Variants in PRKN observed in about 807,000 individuals in gnomAD.
PRKN encodes parkin RBR E3 ubiquitin protein ligase.
A neutral mutation model predicts 59.5 loss-of-function variants in PRKN; 56 were observed. The observed-to-expected ratio is 0.94, with a 90% CI of 0.76 to 1.18. The LOEUF (loss-of-function observed/expected upper bound fraction) is 1.18. Among genes scored for constraint, PRKN ranks in the 50% most tolerant of loss-of-function variants. The pLI, the probability that PRKN is intolerant of heterozygous loss-of-function variation, is 0.00. For missense variants in PRKN, 657 were observed against 596.4 expected (o/e 1.10, Z -1.06); for synonymous variants, 250 against 222.1 (o/e 1.13, Z -1.12).
At chr6:162,331,374 A>G (rs887415164) in intron 2 of PRKN, among the ~76,000 whole-genome samples, 1 of 152,184 alleles carries the variant, frequency 6.6e-6, no homozygotes, top group African/African-American at 2.4e-5. Flanking sequence ...CAGGTCTCAG[A>G]AAAGTACACA....
chr6:162,573,737 G>A (rs2155509), intron 1 of PRKN, among the ~76,000 whole-genome samples: 80,450 of 151,650 alleles, frequency 0.53, 21,591 homozygotes, highest in East Asian at 0.71. Context: ...TCTCTTATTT[G>A]TACAAACGTG....
At chr6:161,449,416 C>T (rs988523475) in intron 9 of PRKN, among the ~76,000 whole-genome samples, 1 of 152,122 alleles carries the variant, frequency 6.6e-6, no homozygotes, top group African/African-American at 2.4e-5. Flanking sequence ...TGTACTCTCC[C>T]ACTGCTCATC....
At chr6:162,436,187 A>T (rs1261795834) in intron 2 of PRKN, among the ~76,000 whole-genome samples, 7 of 118,758 alleles carry the variant, frequency 5.9e-5, no homozygotes, top group African/African-American at 2.0e-4. Flanking sequence ...AAAAAAAAAA[A>T]AAAAAAAAAA....
intron 8 of PRKN, among the ~76,000 whole-genome samples, chr6:161,557,650 T>C (rs1355479610): frequency 1.3e-5 from 2 of 152,212 alleles, no homozygotes; most frequent in African/African-American, 2.4e-5. Context: ...TTAATTTGCA[T>C]GCTTTCATAG....
chr6:161,892,659 A>G (rs1777451934), intron 6 of PRKN, among the ~76,000 whole-genome samples: 1 of 152,186 alleles, frequency 6.6e-6, no homozygotes, highest in Admixed American at 6.5e-5. Context: ...GGATCTCCTG[A>G]GCGCATGAGT....
Position 162,236,877 on chromosome 6 carries a change from G to GGA in PRKN, c.412+25646_412+25647dup, listed in dbSNP as rs147351984. Among the ~76,000 whole-genome samples, 23 of 149,234 alleles carry GGA rather than the reference G, an allele frequency of 1.5e-4. No homozygotes were observed. In the East Asian group the frequency reaches 1.6e-3, roughly 10 times the overall value. ...AGGAAGGAAAGAGAGAGAAAGAATG[G>GGA]GAGAGAGAGAGAGAGAAGGAGGGAA... On this transcript the variant is annotated intron_variant, in intron 3 of 11. Coordinates refer to ENST00000366898, the MANE Select transcript of PRKN (RefSeq NM_004562.3).
intron 2 of PRKN, among the ~76,000 whole-genome samples, chr6:162,346,879 A>G (rs867770325): frequency 1.9e-4 from 29 of 152,018 alleles, no homozygotes; most frequent in South Asian, 1.4e-3. Context: ...CTATGGATAT[A>G]TACATATATC....
At chr6:162,172,111 C>T (rs1257032041) in intron 4 of PRKN, among the ~76,000 whole-genome samples, 1 of 152,210 alleles carries the variant, frequency 6.6e-6, no homozygotes, top group Non-Finnish European at 1.5e-5. Flanking sequence ...CCTAAGGACA[C>T]AGAGTAAGTG....
Position 161,353,246 on chromosome 6 carries a change from T to G in PRKN, c.1286-3035A>C, listed in dbSNP as rs1416267874. 6.6e-6 allele frequency among the ~76,000 whole-genome samples: 1 copy of G among 152,146 alleles called. No homozygotes were observed. Among genetic ancestry groups the G allele is most frequent in the African/African-American group, 2.4e-5 (1 of 41,440 alleles). ...TCCTTTTACCAGCCCAGGGCAGGAC[T>G]GGAACCATCCGCAGCTGTTCTGACT... On this transcript the variant is annotated intron_variant, in intron 11 of 11. Coordinates refer to ENST00000366898, the MANE Select transcript of PRKN (RefSeq NM_004562.3). The surrounding 1 kb of genome is among the most constrained non-coding windows in gnomAD (Gnocchi z 4.8).
At chr6:161,416,669 C>T (rs185008471) in intron 9 of PRKN, among the ~76,000 whole-genome samples, 1 of 152,232 alleles carries the variant, frequency 6.6e-6, no homozygotes, top group East Asian at 1.9e-4. Flanking sequence ...TCATAAAAAC[C>T]AGGCAGGGAA....
At chr6:162,672,160 C>G (rs971291459) in intron 1 of PRKN, among the ~76,000 whole-genome samples, 11 of 151,916 alleles carry the variant, frequency 7.2e-5, no homozygotes, top group African/African-American at 2.7e-4. Context: ...TGGCTCACTC[C>G]TAGCTCAAAA....
In PRKN at chr6:161,936,312, G is replaced by A. The variant is rs1044892105; in HGVS notation, c.734+36990C>T. 2.0e-5 allele frequency among the ~76,000 whole-genome samples: 3 copies of A among 151,292 alleles called. No individual in the cohort carries two copies. The South Asian group carries it at 6.3e-4, about 32-fold the overall frequency. ...GCACCACCACCTCCTGGGTTCAAGC[G>A]ATTCTTCTGCCTCAGTCTCCCAAGC... On this transcript the variant is annotated intron_variant, in intron 6 of 11. Coordinates refer to ENST00000366898, the MANE Select transcript of PRKN (RefSeq NM_004562.3).
Position 161,475,997 on chromosome 6 carries a change from T to C in PRKN, c.1083+72857A>G, listed in dbSNP as rs1791051615. 6.6e-6 allele frequency among the ~76,000 whole-genome samples: 1 copy of C among 151,918 alleles called. No homozygotes were observed. Among genetic ancestry groups the C allele is most frequent in the African/African-American group, 2.4e-5 (1 of 41,374 alleles). ...GTCAGGAGATGGAGACCATCCTGGT[T>C]AACACGGTGAAAGCCTGTCTCTACT... On this transcript the variant is annotated intron_variant, in intron 9 of 11. Transcript: ENST00000366898. This position sits in a 1 kb window ranked among gnomAD's most constrained non-coding sequence, Gnocchi z 5.3.
At chr6:162,513,912 G>A (rs111504493) in intron 1 of PRKN, among the ~76,000 whole-genome samples, 2 of 151,984 alleles carry the variant, frequency 1.3e-5, no homozygotes, top group Non-Finnish European at 2.9e-5. Flanking sequence ...AAAATATGGT[G>A]ATGCGTGCCT....
rs935403566 is a variant in PRKN, at chr6:161,372,046, C to T, written c.1168-11841G>A. On this transcript the variant is annotated intron_variant, in intron 10 of 11. Transcript: ENST00000366898. This position sits in a 1 kb window ranked among gnomAD's most constrained non-coding sequence, Gnocchi z 4.2. ...CTTACAGAGTCTTGCCCCATGGGGC[C>T]CTAAATGCTTCCTAAAGGGGAAGTG... is the stretch of plus-strand genomic sequence containing the variant. Among the ~76,000 whole-genome samples the T allele has an allele frequency of 1.3e-5, 2 of 152,060 alleles. No individual in the cohort carries two copies. The highest frequency in any genetic ancestry group is 4.8e-5 in the African/African-American group (2 of 41,406).
chr6:161,905,642 T>C (rs904110725), intron 6 of PRKN, among the ~76,000 whole-genome samples: 2 of 151,930 alleles, frequency 1.3e-5, no homozygotes, highest in Non-Finnish European at 2.9e-5. Flanking sequence ...TTATCTTGGG[T>C]TTTATTTATA....
In PRKN at chr6:161,405,855, G is replaced by T. The variant is rs1348450100; in HGVS notation, c.1084-18978C>A. Reference sequence around the variant, plus strand: ...TCCTACCAATTTGGCAGTCCAAATAGATTTTTCTTTTAAAGTAGACTTTTG... The same window carrying T: ...TCCTACCAATTTGGCAGTCCAAATATATTTTTCTTTTAAAGTAGACTTTTG... On this transcript the variant is annotated intron_variant, in intron 9 of 11. Transcript: ENST00000366898. This position sits in a 1 kb window ranked among gnomAD's most constrained non-coding sequence, Gnocchi z 5.1. Among the ~76,000 whole-genome samples the T allele has an allele frequency of 6.6e-6, 1 of 152,044 alleles. No homozygotes were observed. The highest frequency in any genetic ancestry group is 1.5e-5 in the Non-Finnish European group (1 of 68,016).
chr6:162,411,049 T>C (rs1788331928), intron 2 of PRKN, among the ~76,000 whole-genome samples: 1 of 152,230 alleles, frequency 6.6e-6, no homozygotes, highest in African/African-American at 2.4e-5. Context: ...TATAGTCCTT[T>C]GGGGTTTCAC....
chr6:162,390,388 T>C (rs1407641983), intron 2 of PRKN, among the ~76,000 whole-genome samples: 1 of 125,532 alleles, frequency 8.0e-6, no homozygotes, highest in East Asian at 2.3e-4. Flanking sequence ...TATATATATA[T>C]ATATATATAC....
Sources: allele counts gnomAD v4.1 joint callset (sites outside exome capture counted in the v4.1 genomes callset), GRCh38; gene constraint gnomAD v4.1.1; non-coding constraint Gnocchi (gnomAD v3.1); transcripts MANE v1.5; gene names NCBI Gene and HGNC (gene_info 2026-07-23, HGNC 2026-07-21).